Variants in CCDC149 observed in about 807,000 individuals in gnomAD.
CCDC149 encodes the protein coiled-coil domain containing 149.
Under a neutral mutation model 59.9 loss-of-function variants are expected in CCDC149, and 45 were observed. That is an observed-to-expected ratio of 0.75 (90% CI 0.59 to 0.96). The LOEUF is 0.96. CCDC149 is among the 40% of genes least tolerant of loss of function. The pLI, the probability that CCDC149 is intolerant of heterozygous loss-of-function variation, is 0.00. For synonymous variants in CCDC149, 245 were observed against 260.6 expected (o/e 0.94, Z 0.58); for missense variants, 584 against 664.7 (o/e 0.88, Z 1.33).
At chr4:24,921,156 A>C (rs1180823430) in intron 1 of CCDC149, among the ~76,000 whole-genome samples, 1 of 152,244 alleles carries the variant, frequency 6.6e-6, no homozygotes, top group Non-Finnish European at 1.5e-5. Flanking sequence ...TCTTCTCATC[A>C]ATACTATAAA....
intron 1 of CCDC149, among the ~76,000 whole-genome samples, chr4:24,923,483 G>GA (rs1270765544): frequency 1.3e-5 from 2 of 151,642 alleles, no homozygotes; most frequent in Admixed American, 6.6e-5. Context: ...TGCTGTGAAA[G>GA]AAAAAAAAGG....
At chr4:24,841,579 AGTGCAGTCAGC>A (rs1401939835) in intron 4 of CCDC149, among the ~76,000 whole-genome samples, 5 of 152,194 alleles carry the variant, frequency 3.3e-5, no homozygotes, top group Non-Finnish European at 5.9e-5. Flanking sequence ...CTGAAGCTTA[AGTGCAGTCAGC>A]TGAGGGGGTC....
Position 24,834,825 on chromosome 4 carries a change from GCC to G in CCDC149, c.820+121_820+122del, listed in dbSNP as rs1716390720. The G allele has an allele frequency of 8.5e-6, 5 of 585,918 alleles. No individual in the cohort carries two copies. In the South Asian group the frequency reaches 9.8e-5, roughly 11 times the overall value. 36.3% of individuals were successfully genotyped at this position (585,918 alleles called of 1,614,324 possible). ...CTCTGATGCACGTGGAAGTCGGGGAGCCACTGTTCTATGGATCGCCTCAGTTC... is the reference window on the plus strand; with the variant it reads ...CTCTGATGCACGTGGAAGTCGGGGAGACTGTTCTATGGATCGCCTCAGTTC... On this transcript the variant is annotated intron_variant, in intron 8 of 12. Coordinates refer to ENST00000635206, the MANE Select transcript of CCDC149 (RefSeq NM_001330643.2).
At chr4:24,828,287 A>AG (rs1715897931) in intron 9 of CCDC149, 1 of 151,912 alleles carries the variant, frequency 6.6e-6, no homozygotes, top group South Asian at 2.1e-4. Context: ...AAAAAAAAAA[A>AG]AAAGACAGTA....
Position 24,876,547 on chromosome 4 carries a change from G to A in CCDC149, c.214C>T (p.Arg72Ter). The change falls in exon 2 of 13, where the codon CGA becomes TGA. Residue 72 changes from arginine to a stop codon, truncating the protein, a stop_gained. Coordinates refer to ENST00000635206, the MANE Select transcript of CCDC149 (RefSeq NM_001330643.2). LOFTEE classifies it high-confidence loss of function. ...AGCCTAACACTTACAATCAGCTCTC[G>A]GTACTTCTTCTTCAGTGACTGGTGG... 2 of 1,613,764 alleles carry A rather than the reference G, an allele frequency of 1.2e-6. No individual in the cohort carries two copies. Among genetic ancestry groups the A allele is most frequent in the Non-Finnish European group, 1.7e-6 (2 of 1,179,788 alleles).
At chr4:24,896,144 A>T (rs1720833256) in intron 1 of CCDC149, among the ~76,000 whole-genome samples, 1 of 152,208 alleles carries the variant, frequency 6.6e-6, no homozygotes, top group South Asian at 2.1e-4. Context: ...CTGAGTGACC[A>T]TAAAGAAGGA....
intron 1 of CCDC149, among the ~76,000 whole-genome samples, chr4:24,945,932 C>T (rs1723096266): frequency 1.3e-5 from 2 of 152,118 alleles, no homozygotes; most frequent in Admixed American, 1.3e-4. Flanking sequence ...CCCTAACAAA[C>T]TAATATATCA....
At chr4:24,823,363 G>T (rs899191689) in intron 9 of CCDC149, among the ~76,000 whole-genome samples, 1 of 152,130 alleles carries the variant, frequency 6.6e-6, no homozygotes, top group Non-Finnish European at 1.5e-5. Flanking sequence ...TACATGCATG[G>T]ATAGACATGT....
At chr4:24,846,640 A>T (rs990854227) in intron 4 of CCDC149, among the ~76,000 whole-genome samples, 1 of 152,210 alleles carries the variant, frequency 6.6e-6, no homozygotes, top group Non-Finnish European at 1.5e-5. Flanking sequence ...ATGTTCACAG[A>T]AGGTCTCTAT....
chr4:24,830,445 C>T (rs1716068540), intron 9 of CCDC149: 1 of 152,358 alleles, frequency 6.6e-6, no homozygotes, highest in African/African-American at 2.4e-5. Flanking sequence ...GCCCTGCTTC[C>T]CTTTGCTGCT....
rs5856868 is a variant in CCDC149, at chr4:24,874,244, G to GTTTTTTTTTTTTTTTTTTTTTTTTT, written c.226-526_226-525insAAAAAAAAAAAAAAAAAAAAAAAAA. ...GAGAACTTCTAGTCCTATTAGATTT[G>GTTTTTTTTTTTTTTTTTTTTTTTTT]TTTTTTTTTTTTTTTGTTTTGTTTT... On this transcript the variant is annotated intron_variant, in intron 2 of 12. Transcript: ENST00000635206. 1.4e-4 allele frequency among the ~76,000 whole-genome samples: 12 copies of GTTTTTTTTTTTTTTTTTTTTTTTTT among 87,482 alleles called. 1 individual carries two copies. Among genetic ancestry groups the GTTTTTTTTTTTTTTTTTTTTTTTTT allele is most frequent in the African/African-American group, 6.4e-4 (11 of 17,168 alleles). The allele number at this position is 87,482 out of a possible 152,430, so 57.4% of individuals were successfully genotyped here.
chr4:24,947,329 G>C (rs1215056144), intron 1 of CCDC149, among the ~76,000 whole-genome samples: 1 of 152,058 alleles, frequency 6.6e-6, no homozygotes, highest in Admixed American at 6.6e-5. Flanking sequence ...GTTTTATAAG[G>C]GGCTTTTCCT....
chr4:24,972,175 A>G (rs1364459118), intron 1 of CCDC149, among the ~76,000 whole-genome samples: 1 of 152,190 alleles, frequency 6.6e-6, no homozygotes, highest in Non-Finnish European at 1.5e-5. Flanking sequence ...CATTCCACAG[A>G]GTTTGACTAT....
At chr4:24,851,219 TC>T (rs1222943407) in intron 4 of CCDC149, among the ~76,000 whole-genome samples, 3 of 151,242 alleles carry the variant, frequency 2.0e-5, no homozygotes, top group African/African-American at 7.4e-5. Flanking sequence ...ATAAACATGC[TC>T]TCTCACACAC....
At chr4:24,887,528 C>G (rs1422395305) in intron 1 of CCDC149, among the ~76,000 whole-genome samples, 1 of 152,152 alleles carries the variant, frequency 6.6e-6, no homozygotes, top group Non-Finnish European at 1.5e-5. Context: ...TGATCACCAC[C>G]TACTCACTCA....
intron 1 of CCDC149, among the ~76,000 whole-genome samples, chr4:24,888,104 C>G (rs547131126): frequency 6.6e-6 from 1 of 152,058 alleles, no homozygotes; most frequent in Non-Finnish European, 1.5e-5. Context: ...CACCCTGTAT[C>G]GCAGCACCTG....
chr4:24,972,695 C>A (rs1724013379), intron 1 of CCDC149, among the ~76,000 whole-genome samples: 1 of 152,136 alleles, frequency 6.6e-6, no homozygotes, highest in Non-Finnish European at 1.5e-5. Context: ...TTTATTTAAA[C>A]CTGTCTAACT....
rs367967214 is a variant in CCDC149 at position 24,874,829 on chromosome 4, C to T, written c.226-1110G>A. 4.6e-5 allele frequency among the ~76,000 whole-genome samples: 7 copies of T among 152,266 alleles called. No homozygotes were observed. In the East Asian group the frequency reaches 5.8e-4, roughly 13 times the overall value. ...ATAGTGTCCCACTTAAAAAAGAGAT[C>T]GCCTCAAAAGCAGCAAGAATGAAAA... is the stretch of plus-strand genomic sequence containing the variant. On this transcript the variant is annotated intron_variant, in intron 2 of 12. Coordinates refer to ENST00000635206, the MANE Select transcript of CCDC149 (RefSeq NM_001330643.2).
At chr4:24,872,717 G>GCAC (rs1719120156) in intron 3 of CCDC149, among the ~76,000 whole-genome samples, 1 of 147,870 alleles carries the variant, frequency 6.8e-6, no homozygotes, top group African/African-American at 2.5e-5. Context: ...AAAACAGCAT[G>GCAC]CACCCGCCAA....
Sources: gnomAD v4.1 joint callset for allele counts (sites outside exome capture counted in the v4.1 genomes callset) on GRCh38, gnomAD v4.1.1 for gene constraint, MANE v1.5 for transcripts, NCBI Gene and HGNC (gene_info 2026-07-23, HGNC 2026-07-21) for gene names.